The following GEMIN2 variants were observed in gnomAD, a reference collection of about 807,000 sequenced individuals.
GEMIN2 encodes gem nuclear organelle associated protein 2.
Under a neutral mutation model 45.8 loss-of-function variants are expected in GEMIN2, and 37 were observed. That is an observed-to-expected ratio of 0.81 (90% CI 0.62 to 1.06). GEMIN2 has a LOEUF of 1.06. GEMIN2 is among the 50% of genes least tolerant of loss of function. The probability of loss-of-function intolerance (pLI) is 0.00; values close to 1 mark genes in which losing one functional copy is unlikely to be tolerated. For missense variants in GEMIN2, 335 were observed against 321.8 expected (o/e 1.04, Z -0.31); for synonymous variants, 101 against 111.5 (o/e 0.91, Z 0.60).
intron 2 of GEMIN2, 24 bp downstream of exon 2, chr14:39,114,937 G>C: frequency 9.4e-7 from 1 of 1,066,006 alleles, no homozygotes; most frequent in Non-Finnish European, 1.5e-6. Flanking sequence ...ACCGTCTGGA[G>C]ATTACCCCCA....
chr14:39,115,826 A>G (rs2139329970), intron 2 of GEMIN2, among the ~76,000 whole-genome samples: 1 of 152,250 alleles, frequency 6.6e-6, no homozygotes, highest in Non-Finnish European at 1.5e-5. Flanking sequence ...TCTTTAATTA[A>G]GCAACTAGGT....
intron 6 of GEMIN2, among the ~76,000 whole-genome samples, chr14:39,126,324 A>G (rs1165030797): frequency 2.0e-5 from 3 of 151,338 alleles, no homozygotes; most frequent in African/African-American, 7.3e-5. Flanking sequence ...GACCACAGGC[A>G]TGTGCTACCA....
At chr14:39,119,929 T>C (rs2052554769) in intron 4 of GEMIN2, among the ~76,000 whole-genome samples, 1 of 152,230 alleles carries the variant, frequency 6.6e-6, no homozygotes, top group African/African-American at 2.4e-5. Context: ...CTCTAAAGCC[T>C]GTGTGCCTTT....
intron 9 of GEMIN2, chr14:39,134,485 T>C (rs1438168706): frequency 2.6e-5 from 4 of 152,218 alleles, no homozygotes; most frequent in African/African-American, 7.2e-5. Context: ...TTTTGTTCCA[T>C]AGATCAGTGT....
intron 7 of GEMIN2, among the ~76,000 whole-genome samples, chr14:39,130,998 A>T (rs1423997618): frequency 6.6e-6 from 1 of 152,050 alleles, no homozygotes; most frequent in East Asian, 1.9e-4. Flanking sequence ...ATGAAATTGT[A>T]TTGAAAAAAG....
chr14:39,133,686 C>A lies in GEMIN2; in HGVS notation c.737C>A (p.Pro246His). Residue 246 changes from proline to histidine, a missense_variant, in exon 9 of 10, where the codon CCT (proline) becomes CAT (histidine). By Grantham distance (77) the Pro-to-His change is moderately conservative. Coordinates refer to ENST00000308317, the MANE Select transcript of GEMIN2 (RefSeq NM_003616.3). ...GATAGCAAAGATGATGAGAGGGTTC[C>A]TGCTTTGAATTTATTAATCTGCTTG... Reference protein sequence around the residue: ...LVDSKDDERVPALNLLICLVS... With the variant: ...LVDSKDDERVHALNLLICLVS... 2 of 1,522,954 alleles carry A rather than the reference C, an allele frequency of 1.3e-6. No individual in the cohort carries two copies. Among genetic ancestry groups the A allele is most frequent in the Non-Finnish European group, 1.8e-6 (2 of 1,126,744 alleles). The allele number at this position is 1,522,954 out of a possible 1,614,324, so 94.3% of individuals were successfully genotyped here. A position where few individuals can be genotyped will look rare whatever the true frequency, so the allele number is the denominator to read the frequency against.
At chr14:39,114,560 C>A in intron 1 of GEMIN2, 85 bp downstream of exon 1, 4 of 1,016,168 alleles carry the variant, frequency 3.9e-6, no homozygotes, top group South Asian at 1.5e-5. Flanking sequence ...CCGTTCCAGT[C>A]TGTTGCGAGT....
In GEMIN2 at chr14:39,132,060, C is replaced by T. The variant is rs2052724378; in HGVS notation, c.703C>T (p.Leu235Phe). The change falls in exon 8 of 10, where the codon CTC becomes TTC. Residue 235 changes from leucine to phenylalanine, a missense_variant. Transcript: ENST00000308317. ...QLARRCSEVR[L>F]LVDSKDDERV... is the part of the protein sequence containing the mutation. ...TGCAAGAAGGTGCTCTGAAGTGAGG[C>T]TCTTAGTGGTAAGTTGCAACTTACT... 6.7e-7 allele frequency: 1 copy of T among 1,493,240 alleles called. No homozygotes were observed. The highest frequency in any genetic ancestry group is 9.3e-7 in the Non-Finnish European group (1 of 1,070,602). 92.5% of individuals were successfully genotyped at this position (1,493,240 alleles called of 1,614,324 possible).
intron 2 of GEMIN2, 43 bp downstream of exon 2, chr14:39,114,956 A>AT (rs1243579965): frequency 1.2e-6 from 1 of 867,602 alleles, no homozygotes; most frequent in South Asian, 1.3e-5. Flanking sequence ...CAACCCCCCA[A>AT]TTAAAAGACT....
intron 8 of GEMIN2, 144 bp downstream of exon 8, chr14:39,132,212 A>C (rs538222487): frequency 1.6e-6 from 1 of 609,096 alleles, no homozygotes; most frequent in Non-Finnish European, 2.9e-6. Flanking sequence ...TAGTAGCTTA[A>C]ATAATATGGA....
Position 39,122,470 on chromosome 14 carries a change from T to C in GEMIN2, c.413T>C (p.Leu138Pro), listed in dbSNP as rs780017071. Residue 138 changes from leucine (L) to proline (P), a missense_variant, in exon 5 of 10, where the codon CTG becomes CCG. Physicochemically the swap from Leu to Pro is moderately conservative, Grantham distance 98. Coordinates refer to ENST00000308317, the MANE Select transcript of GEMIN2 (RefSeq NM_003616.3). ...GAAGAAGGCTGGAAGAAATTTTGTC[T>C]GGGTGAAAAGTTATGTGCTGACGGG... is the stretch of plus-strand genomic sequence containing the variant. ...EDEEGWKKFCLGEKLCADGAV... is the reference protein window; with the variant it reads ...EDEEGWKKFCPGEKLCADGAV... 2 of 1,607,452 alleles carry C rather than the reference T, an allele frequency of 1.2e-6. No individual in the cohort carries two copies.
In GEMIN2 at chr14:39,136,502, G is replaced by C; in HGVS notation, c.*23G>C. On this transcript the variant is annotated 3_prime_UTR_variant, in exon 10 of 10. Coordinates refer to ENST00000308317, the MANE Select transcript of GEMIN2 (RefSeq NM_003616.3). ...TGATGTAGCTGATCTCTCAGGGATAGAAGATATTTCTCATGAAGGCAGCCT... is the reference window on the plus strand; with the variant it reads ...TGATGTAGCTGATCTCTCAGGGATACAAGATATTTCTCATGAAGGCAGCCT... 1 of 1,591,054 alleles carries C rather than the reference G, an allele frequency of 6.3e-7. No homozygotes were observed. The highest frequency in any genetic ancestry group is 8.6e-7 in the Non-Finnish European group (1 of 1,160,888).
intron 4 of GEMIN2, among the ~76,000 whole-genome samples, chr14:39,118,983 C>G (rs1436606830): frequency 6.6e-6 from 1 of 151,568 alleles, no homozygotes; most frequent in African/African-American, 2.4e-5. Context: ...CCTGTGTTAC[C>G]CAGGCTGGTC....
chr14:39,129,457 A>G (rs573074751), intron 7 of GEMIN2, among the ~76,000 whole-genome samples: 1 of 152,278 alleles, frequency 6.6e-6, no homozygotes, highest in South Asian at 2.1e-4. Context: ...TCTGTTGCCC[A>G]GGCTGGAGTG....
intron 8 of GEMIN2, among the ~76,000 whole-genome samples, chr14:39,132,720 C>T (rs144040570): frequency 0.085 from 10,889 of 128,838 alleles, 499 homozygotes; most frequent in African/African-American, 0.13. Flanking sequence ...GCTCTGTCAC[C>T]GAGGCTGGAG....
chr14:39,135,849 C>T (rs549233358), intron 9 of GEMIN2, among the ~76,000 whole-genome samples: 2 of 152,214 alleles, frequency 1.3e-5, no homozygotes, highest in South Asian at 2.1e-4. Context: ...CCTCATTATC[C>T]TCTTTTTTCC....
At chr14:39,124,524 A>C (rs186366706) in intron 5 of GEMIN2, among the ~76,000 whole-genome samples, 1 of 152,280 alleles carries the variant, frequency 6.6e-6, no homozygotes, top group East Asian at 1.9e-4. Context: ...TAATCACAGC[A>C]CTTTGGGAGG....
At chr14:39,133,254 AAT>A (rs1013218052) in intron 8 of GEMIN2, among the ~76,000 whole-genome samples, 1 of 146,292 alleles carries the variant, frequency 6.8e-6, no homozygotes, top group South Asian at 2.1e-4. Flanking sequence ...TATGTATATT[AAT>A]ATATATTTAT....
chr14:39,135,319 C>T (rs553147647), intron 9 of GEMIN2, among the ~76,000 whole-genome samples: 2 of 152,178 alleles, frequency 1.3e-5, no homozygotes, highest in East Asian at 3.9e-4. Flanking sequence ...GGCATGGTGG[C>T]TCATACCTGT....
Sources: gnomAD v4.1 joint callset for allele counts (sites outside exome capture counted in the v4.1 genomes callset) on GRCh38, gnomAD v4.1.1 for gene constraint, MANE v1.5 for transcripts, NCBI Gene and HGNC (gene_info 2026-07-23, HGNC 2026-07-21) for gene names.